The following RYR3 variants were observed in gnomAD, a reference collection of about 807,000 sequenced individuals.
The protein encoded by RYR3 is ryanodine receptor 3.
In RYR3, 207 loss-of-function variants were observed where a neutral mutation model predicts 584.3. That is an observed-to-expected ratio of 0.35 (90% CI 0.32 to 0.40). The LOEUF (loss-of-function observed/expected upper bound fraction) is 0.40. RYR3 is among the 10% of genes least tolerant of loss of function. RYR3 has a pLI of 1.00. For missense variants in RYR3, 5,616 were observed against 6,089.2 expected, an observed-to-expected ratio of 0.92 and a Z score of 2.59; for synonymous variants, 2,416 against 2,248.5, an observed-to-expected ratio of 1.07 and a Z score of -2.11.
At chr15:33,649,293 G>A in intron 31 of RYR3, 58 bp downstream of exon 31, 1 of 1,520,744 alleles carries the variant, frequency 6.6e-7, no homozygotes. Context: ...CCTCCCCCCA[G>A]TCTTTTTCTT....
chr15:33,425,368 T>C (rs2044530961), intron 1 of RYR3, among the ~76,000 whole-genome samples: 1 of 152,220 alleles, frequency 6.6e-6, no homozygotes. Context: ...ACTCCTCCTG[T>C]CGTCATTGTA....
At chr15:33,693,931 T>C (rs1386109725) in intron 38 of RYR3, among the ~76,000 whole-genome samples, 1 of 152,186 alleles carries the variant, frequency 6.6e-6, no homozygotes, top group African/African-American at 2.4e-5. Context: ...GACTAGGCCC[T>C]GTATTATTTC....
intron 22 of RYR3, among the ~76,000 whole-genome samples, chr15:33,630,822 C>G (rs1404599682): frequency 6.6e-6 from 1 of 152,176 alleles, no homozygotes; most frequent in Non-Finnish European, 1.5e-5. Context: ...AGAAAAATGT[C>G]TCCAAGAGGG....
chr15:33,596,496 G>GCA (rs1555547356), intron 16 of RYR3, among the ~76,000 whole-genome samples: 1 of 13,404 alleles, frequency 7.5e-5, no homozygotes, highest in Non-Finnish European at 1.5e-4. Flanking sequence ...TTCTTTTTTT[G>GCA]GGGGGGGGGG....
chr15:33,513,492 T>A (rs1426745945), intron 3 of RYR3, among the ~76,000 whole-genome samples: 2 of 152,184 alleles, frequency 1.3e-5, no homozygotes, highest in African/African-American at 4.8e-5. Flanking sequence ...ACCAAATATA[T>A]TTAGGCGAAC....
chr15:33,623,239 C>T (rs1416475643), intron 19 of RYR3, among the ~76,000 whole-genome samples: 1 of 152,190 alleles, frequency 6.6e-6, no homozygotes, highest in Non-Finnish European at 1.5e-5. Flanking sequence ...CGGGGGAATG[C>T]GGTCTCCACA....
chr15:33,342,113 C>G lies in RYR3; in HGVS notation c.51+31017C>G, dbSNP rs78926930. ...GGTGGGCAGGATTTCTGCTTTCTAC[C>G]AGGAGCAGTGAGTCCTGCCCCCACA... is the stretch of plus-strand genomic sequence containing the variant. On this transcript the variant is annotated intron_variant, in intron 1 of 103. Coordinates refer to ENST00000634891, the MANE Select transcript of RYR3 (RefSeq NM_001036.6). 5.5e-3 allele frequency among the ~76,000 whole-genome samples: 840 copies of G among 152,260 alleles called. 17 individuals carry two copies. In the East Asian group the frequency reaches 0.074, roughly 13 times the overall value.
intron 11 of RYR3, among the ~76,000 whole-genome samples, chr15:33,563,819 C>T (rs2152485741): frequency 6.6e-6 from 1 of 152,082 alleles, no homozygotes; most frequent in Admixed American, 6.5e-5. Context: ...TACCTTATTA[C>T]CTTAAGGCAA....
chr15:33,816,455 C>T (rs917542803), intron 74 of RYR3, among the ~76,000 whole-genome samples: 3 of 152,166 alleles, frequency 2.0e-5, no homozygotes, highest in Admixed American at 1.3e-4. Context: ...CACTGATCAT[C>T]GGTATGACTT....
chr15:33,750,516 C>G (rs1170269789), intron 57 of RYR3, among the ~76,000 whole-genome samples: 1 of 152,148 alleles, frequency 6.6e-6, no homozygotes. Context: ...TACCTACATA[C>G]CTTAAACATT....
chr15:33,830,515 C>T (rs572363836), intron 85 of RYR3, among the ~76,000 whole-genome samples: 31 of 152,298 alleles, frequency 2.0e-4, no homozygotes, highest in African/African-American at 7.5e-4. Context: ...GTATGACTCA[C>T]TTTATTGTAA....
At chr15:33,513,993 G>A (rs2053266041) in intron 3 of RYR3, among the ~76,000 whole-genome samples, 2 of 152,198 alleles carry the variant, frequency 1.3e-5, no homozygotes, top group African/African-American at 4.8e-5. Context: ...CTTGCCTACA[G>A]CTCACGCATT....
Position 33,611,417 on chromosome 15 carries a change from G to A in RYR3, c.2165-1766G>A, listed in dbSNP as rs1239059650. Among the ~76,000 whole-genome samples, 3 of 151,822 alleles carry A rather than the reference G, an allele frequency of 2.0e-5. No individual in the cohort carries two copies. In the East Asian group the frequency reaches 5.9e-4, roughly 30 times the overall value. On this transcript the variant is annotated intron_variant, in intron 18 of 103. Coordinates refer to ENST00000634891, the MANE Select transcript of RYR3 (RefSeq NM_001036.6). ...TAAAAATACAAAAAGTTAGGCGGGCGTGGTGGCGGGCACCTGTAGTCCCAG... is the reference window on the plus strand; with the variant it reads ...TAAAAATACAAAAAGTTAGGCGGGCATGGTGGCGGGCACCTGTAGTCCCAG...
chr15:33,485,760 C>G (rs1384930407), intron 2 of RYR3, among the ~76,000 whole-genome samples: 1 of 152,154 alleles, frequency 6.6e-6, no homozygotes, highest in East Asian at 1.9e-4. Context: ...CTGCAGCAGT[C>G]CCAGCACAGG....
rs561348070 is a variant in RYR3 at position 33,667,040 on chromosome 15, A to G, written c.5620-2314A>G. ...AATTACTGTAATTTAACCTCACAGA[A>G]AAACCACAAACGTGACCCAACCTGT... On this transcript the variant is annotated intron_variant, in intron 36 of 103. Transcript: ENST00000634891. 2.0e-5 allele frequency among the ~76,000 whole-genome samples: 3 copies of G among 152,398 alleles called. No homozygotes were observed. The South Asian group carries it at 6.2e-4, about 32-fold the overall frequency.
intron 2 of RYR3, among the ~76,000 whole-genome samples, chr15:33,494,318 C>T (rs932414527): frequency 5.3e-5 from 8 of 152,186 alleles, no homozygotes; most frequent in African/African-American, 1.9e-4. Context: ...TGATAACCTT[C>T]TCCAATTTCC....
intron 32 of RYR3, among the ~76,000 whole-genome samples, chr15:33,656,904 T>C (rs986553783): frequency 1.6e-4 from 23 of 145,940 alleles, no homozygotes; most frequent in African/African-American, 5.6e-4. Flanking sequence ...TCATGCAATT[T>C]GAAAAGGCCA....
chr15:33,846,968 A>G (rs772144585), intron 93 of RYR3: 5 of 152,266 alleles, frequency 3.3e-5, no homozygotes, highest in Non-Finnish European at 7.3e-5. Context: ...AACAAAAAAG[A>G]AACACTATTT....
chr15:33,724,007 C>A lies in RYR3; in HGVS notation c.6801-58C>A, dbSNP rs1442608473. ...CTTCCATATCAAGCAGCTTATGTCT[C>A]GCAGCATGGCAGTGCCTGCCAACCT... On this transcript the variant is annotated intron_variant, in intron 44 of 103. Coordinates refer to ENST00000634891, the MANE Select transcript of RYR3 (RefSeq NM_001036.6). The A allele has an allele frequency of 3.2e-5, 29 of 897,898 alleles. 1 individual carries two copies. The highest frequency in any genetic ancestry group is 2.8e-4 in the South Asian group (20 of 70,378). 55.6% of individuals were successfully genotyped at this position (897,898 alleles called of 1,614,324 possible). A position where few individuals can be genotyped will look rare whatever the true frequency, so the allele number is the denominator to read the frequency against.
Sources: allele counts gnomAD v4.1 joint callset (sites outside exome capture counted in the v4.1 genomes callset), GRCh38; gene constraint gnomAD v4.1.1; transcripts MANE v1.5; gene names NCBI Gene and HGNC (gene_info 2026-07-23, HGNC 2026-07-21).